Variants in MBNL3 observed in about 807,000 individuals in gnomAD.
The protein encoded by MBNL3 is muscleblind like splicing regulator 3, also known as muscleblind-like protein 3.
MBNL3 carries 6 observed loss-of-function variants against 24.5 expected under a neutral mutation model. The observed-to-expected ratio is 0.25, with a 90% CI of 0.13 to 0.48. MBNL3 has a LOEUF of 0.48. MBNL3 is among the 20% of genes least tolerant of loss of function. MBNL3 has a pLI of 0.99. For synonymous variants in MBNL3, 100 were observed against 101.7 expected, an observed-to-expected ratio of 0.98 and a Z score of 0.10; for missense variants, 230 against 293.5, an observed-to-expected ratio of 0.78 and a Z score of 1.58.
intron 1 of MBNL3, among the ~76,000 whole-genome samples, chrX:132,459,772 G>C (rs1258552330): frequency 8.9e-6 from 1 of 111,864 alleles, no homozygotes; most frequent in African/African-American, 3.2e-5. Flanking sequence ...TTGAACCTCT[G>C]TCCAGATATT....
At chrX:132,408,064 A>G (rs1942101185) in intron 2 of MBNL3, among the ~76,000 whole-genome samples, 1 of 72,771 alleles carries the variant, frequency 1.4e-5, no homozygotes, top group African/African-American at 5.7e-5. Context: ...CTCTATCTCT[A>G]CCCCTGACCT....
At chrX:132,453,863 G>A (rs1260214930) in intron 1 of MBNL3, among the ~76,000 whole-genome samples, 3 of 110,839 alleles carry the variant, frequency 2.7e-5, no homozygotes, top group Admixed American at 9.6e-5. Context: ...AGACTGAGGC[G>A]GGCGGATCAC....
chrX:132,398,993 G>C (rs186909294), intron 3 of MBNL3, among the ~76,000 whole-genome samples: 1 of 111,598 alleles, frequency 9.0e-6, no homozygotes, highest in African/African-American at 3.2e-5. Flanking sequence ...CGAATTCCTA[G>C]AGGGTAGAGT....
chrX:132,474,365 C>T (rs1006985307), intron 1 of MBNL3, among the ~76,000 whole-genome samples: 5 of 111,634 alleles, frequency 4.5e-5, no homozygotes, highest in African/African-American at 1.3e-4. Flanking sequence ...GTCACATTTT[C>T]GCTATTTCAG....
At chrX:132,403,001 T>C (rs1399163306) in intron 3 of MBNL3, among the ~76,000 whole-genome samples, 5 of 111,806 alleles carry the variant, frequency 4.5e-5, no homozygotes, top group East Asian at 5.6e-4. Flanking sequence ...CTTACAAATA[T>C]CAGGACTGGA....
At chrX:132,394,286 G>A (rs62617180) in intron 3 of MBNL3, among the ~76,000 whole-genome samples, 408 of 111,869 alleles carry the variant, frequency 3.6e-3, no homozygotes, top group Non-Finnish European at 3.6e-3. Flanking sequence ...ACTTGTCATG[G>A]AATGAGATGT....
At chrX:132,391,775 C>T (rs953137942) in intron 4 of MBNL3, among the ~76,000 whole-genome samples, 1 of 111,753 alleles carries the variant, frequency 8.9e-6, no homozygotes, top group Admixed American at 9.5e-5. Context: ...ATTCTGCAAT[C>T]GTAGAGAGTT....
rs186629543 is a variant in MBNL3, at chrX:132,378,941, G to C, written c.*725C>G. On this transcript the variant is annotated 3_prime_UTR_variant, in exon 9 of 9. Coordinates refer to ENST00000370853, the MANE Select transcript of MBNL3 (RefSeq NM_001386889.1). ...GATTGTATTATGCAACATCAGATCTGCAGGTACAAATTATACACATGCATG... is the reference window on the plus strand; with the variant it reads ...GATTGTATTATGCAACATCAGATCTCCAGGTACAAATTATACACATGCATG... The C allele has an allele frequency of 2.7e-5, 3 of 111,861 alleles. No individual in the cohort carries two copies. Among genetic ancestry groups the C allele is most frequent in the Admixed American group, 9.5e-5 (1 of 10,505 alleles). 9.2% of individuals were successfully genotyped at this position (111,861 alleles called of 1,213,427 possible). A position where few individuals can be genotyped will look rare whatever the true frequency, so the allele number is the denominator to read the frequency against.
intron 2 of MBNL3, among the ~76,000 whole-genome samples, chrX:132,435,141 A>G (rs1432873475): frequency 9.0e-6 from 1 of 111,468 alleles, no homozygotes; most frequent in East Asian, 2.8e-4. Context: ...AGTTTTTGCC[A>G]TTGCTTTCAT....
chrX:132,460,477 GT>G (rs769885254), intron 1 of MBNL3, among the ~76,000 whole-genome samples: 415 of 111,519 alleles, frequency 3.7e-3, no homozygotes, highest in African/African-American at 0.012. Flanking sequence ...CTGTACTTCA[GT>G]TTCCTCATCT....
At chrX:132,442,714 G>A (rs1377273509) in intron 1 of MBNL3, among the ~76,000 whole-genome samples, 1 of 112,923 alleles carries the variant, frequency 8.9e-6, no homozygotes, top group Non-Finnish European at 1.9e-5. Flanking sequence ...TTCTGGCCAT[G>A]CATTTTATTC....
At position 132,480,392 on chromosome X, in the gene MBNL3, T is replaced by C. The variant is rs1262242681; in HGVS notation, c.-704+8459A>G. On this transcript the variant is annotated intron_variant, in intron 1 of 8. Coordinates refer to ENST00000370853, the MANE Select transcript of MBNL3 (RefSeq NM_001386889.1). Reference sequence around the variant, plus strand: ...TTCAACCAATTAGGAAACTCAATCATGTGATATTAAAGGTTTTCAAGTAGC... The same window carrying C: ...TTCAACCAATTAGGAAACTCAATCACGTGATATTAAAGGTTTTCAAGTAGC... Among the ~76,000 whole-genome samples, 7 of 112,090 alleles carry C rather than the reference T, an allele frequency of 6.2e-5. No homozygotes were observed. In the East Asian group the frequency reaches 2.0e-3, roughly 31 times the overall value.
intron 3 of MBNL3, among the ~76,000 whole-genome samples, chrX:132,404,015 C>T (rs1569433067): frequency 9.1e-6 from 1 of 109,522 alleles, no homozygotes; most frequent in Non-Finnish European, 1.9e-5. Flanking sequence ...CTCCCACCCA[C>T]ATCCCCTGGC....
chrX:132,425,193 A>G (rs1457671531), intron 2 of MBNL3, among the ~76,000 whole-genome samples: 1 of 111,801 alleles, frequency 8.9e-6, no homozygotes, highest in Non-Finnish European at 1.9e-5. Flanking sequence ...CCAAACCTGA[A>G]TCATATCTTG....
chrX:132,416,237 C>A (rs1432405934), intron 2 of MBNL3, among the ~76,000 whole-genome samples: 2 of 112,075 alleles, frequency 1.8e-5, no homozygotes, highest in Non-Finnish European at 3.8e-5. Flanking sequence ...GAACAAAATT[C>A]TGTCATTTGC....
intron 2 of MBNL3, among the ~76,000 whole-genome samples, chrX:132,406,841 T>C (rs964450703): frequency 8.9e-6 from 1 of 112,113 alleles, no homozygotes; most frequent in African/African-American, 3.2e-5. Context: ...ATGTGACCTA[T>C]TACTGTGTTG....
chrX:132,481,931 T>C (rs1947761263), intron 1 of MBNL3, among the ~76,000 whole-genome samples: 1 of 111,970 alleles, frequency 8.9e-6, no homozygotes. Flanking sequence ...CACCAAAACA[T>C]GGATAAACCT....
chrX:132,387,081 C>A (rs1603064170), intron 5 of MBNL3, among the ~76,000 whole-genome samples: 1 of 108,254 alleles, frequency 9.2e-6, no homozygotes, highest in Non-Finnish European at 1.9e-5. Context: ...GAGACCAGCC[C>A]GGGCAATATG....
At chrX:132,473,372 TC>T (rs1441091382) in intron 1 of MBNL3, among the ~76,000 whole-genome samples, 4 of 111,956 alleles carry the variant, frequency 3.6e-5, no homozygotes, top group African/African-American at 1.3e-4. Context: ...AAAGCAAAAT[TC>T]CTGTATTCAT....
Sources: allele counts gnomAD v4.1 joint callset (sites outside exome capture counted in the v4.1 genomes callset), GRCh38; gene constraint gnomAD v4.1.1; transcripts MANE v1.5; gene names NCBI Gene and HGNC (gene_info 2026-07-23, HGNC 2026-07-21).